The following PTPRD variants were observed in gnomAD, a reference collection of about 807,000 sequenced individuals.
PTPRD encodes the protein receptor-type tyrosine-protein phosphatase delta.
Under a neutral mutation model 214.5 loss-of-function variants are expected in PTPRD, and 34 were observed. That is an observed-to-expected ratio of 0.16 (90% CI 0.12 to 0.21). The LOEUF (loss-of-function observed/expected upper bound fraction) is 0.21. Ranked by LOEUF, PTPRD falls within the 10% of genes least tolerant of loss-of-function variation. The pLI, the probability that PTPRD is intolerant of heterozygous loss-of-function variation, is 1.00. For missense variants in PTPRD, 2,545 were observed against 2,398.7 expected (o/e 1.06, Z -1.27); for synonymous variants, 1,128 against 845.7 (o/e 1.33, Z -5.79).
At chr9:8,508,881 GTGTGTGTGTC>G (rs1290820819) in intron 21 of PTPRD, among the ~76,000 whole-genome samples, 2 of 145,140 alleles carry the variant, frequency 1.4e-5, no homozygotes, top group Non-Finnish European at 3.0e-5. Flanking sequence ...ATATATGTGT[GTGTGTGTGTC>G]TGTGTGTGTG....
At chr9:9,782,339 G>A (rs1013026852) in intron 5 of PTPRD, among the ~76,000 whole-genome samples, 1 of 152,048 alleles carries the variant, frequency 6.6e-6, no homozygotes, top group Non-Finnish European at 1.5e-5. Flanking sequence ...GATTTTCTAA[G>A]AATTCCTAAC....
chr9:8,934,425 A>ATATATAAATATATATATAAATT lies in PTPRD; in HGVS notation c.-104+84271_-104+84272insAATTTATATATATATTTATATA, dbSNP rs1588352544. Among the ~76,000 whole-genome samples the ATATATAAATATATATATAAATT allele has an allele frequency of 8.0e-5, 5 of 62,188 alleles. No homozygotes were observed. In the East Asian group the frequency reaches 1.7e-3, roughly 22 times the overall value. The allele number at this position is 62,188 out of a possible 152,430, so 40.8% of individuals were successfully genotyped here. A position where few individuals can be genotyped will look rare whatever the true frequency, so the allele number is the denominator to read the frequency against. ...TGTGTGTGTGTGTGTGTGTGTGTAT[A>ATATATAAATATATATATAAATT]TATATATATAAATATATATATAAAT... On this transcript the variant is annotated intron_variant, in intron 11 of 45. Coordinates refer to ENST00000381196, the MANE Select transcript of PTPRD (RefSeq NM_002839.4).
At chr9:8,545,982 A>G (rs949104073) in intron 14 of PTPRD, among the ~76,000 whole-genome samples, 23 of 152,364 alleles carry the variant, frequency 1.5e-4, no homozygotes, top group African/African-American at 5.0e-4. Context: ...ATCCAAGCAC[A>G]TAATATCACC....
chr9:9,402,715 C>A (rs2071171797), intron 8 of PTPRD, among the ~76,000 whole-genome samples: 1 of 133,154 alleles, frequency 7.5e-6, no homozygotes, highest in Non-Finnish European at 1.6e-5. Flanking sequence ...GATGTCTGAG[C>A]AAGTATGTGA....
intron 11 of PTPRD, among the ~76,000 whole-genome samples, chr9:8,849,670 A>T (rs565950809): frequency 4.7e-4 from 71 of 152,318 alleles, no homozygotes; most frequent in African/African-American, 1.6e-3. Context: ...GTATTGGTAG[A>T]ACTAAAGAGG....
chr9:10,126,088 G>C (rs1430955195), intron 3 of PTPRD, among the ~76,000 whole-genome samples: 3 of 152,014 alleles, frequency 2.0e-5, no homozygotes, highest in Non-Finnish European at 2.9e-5. Context: ...ATTTTCTTTA[G>C]CATTTGGCAT....
At chr9:8,699,552 T>A (rs1430497499) in intron 12 of PTPRD, among the ~76,000 whole-genome samples, 1 of 152,176 alleles carries the variant, frequency 6.6e-6, no homozygotes, top group Non-Finnish European at 1.5e-5. Context: ...TTGAAAATAA[T>A]TTTATGAAAA....
At chr9:8,929,765 ATGTG>A (rs1301850611) in intron 11 of PTPRD, among the ~76,000 whole-genome samples, 2 of 48,156 alleles carry the variant, frequency 4.2e-5, no homozygotes, top group Admixed American at 3.2e-4. Flanking sequence ...ATGTATATAT[ATGTG>A]TATATATATG....
At chr9:10,389,860 A>G (rs2098018865) in intron 2 of PTPRD, among the ~76,000 whole-genome samples, 1 of 151,650 alleles carries the variant, frequency 6.6e-6, no homozygotes, top group South Asian at 2.1e-4. Context: ...TTCTTATCTT[A>G]TTTGACTTTG....
intron 2 of PTPRD, among the ~76,000 whole-genome samples, chr9:10,492,835 A>T (rs1390446256): frequency 6.6e-6 from 1 of 152,018 alleles, no homozygotes; most frequent in African/African-American, 2.4e-5. Context: ...CAGGGTTTTT[A>T]TGGCTGTAGG....
At chr9:10,373,673 T>C (rs547321815) in intron 2 of PTPRD, among the ~76,000 whole-genome samples, 31 of 152,216 alleles carry the variant, frequency 2.0e-4, no homozygotes, top group Middle Eastern at 3.4e-3. Flanking sequence ...CCTCAATTTC[T>C]CTTTTTTCAC....
At chr9:9,879,100 C>G (rs747709340) in intron 5 of PTPRD, among the ~76,000 whole-genome samples, 3 of 152,178 alleles carry the variant, frequency 2.0e-5, no homozygotes, top group Non-Finnish European at 4.4e-5. Flanking sequence ...AGTCTTCTTT[C>G]TGAATGTGAA....
chr9:10,070,211 G>A (rs1460733768), intron 3 of PTPRD, among the ~76,000 whole-genome samples: 1 of 152,004 alleles, frequency 6.6e-6, no homozygotes, highest in Non-Finnish European at 1.5e-5. Flanking sequence ...TGTCTGTTTT[G>A]TCCACTTTTT....
At chr9:9,349,743 G>A (rs1395206975) in intron 9 of PTPRD, among the ~76,000 whole-genome samples, 1 of 150,418 alleles carries the variant, frequency 6.6e-6, no homozygotes, top group African/African-American at 2.5e-5. Flanking sequence ...CCACTTAAGT[G>A]GCACCCATCA....
At chr9:9,390,590 C>A (rs79240372) in intron 9 of PTPRD, among the ~76,000 whole-genome samples, 2 of 151,984 alleles carry the variant, frequency 1.3e-5, no homozygotes, top group Admixed American at 1.3e-4. Context: ...GTTATTATTG[C>A]CTTAGGACAG....
intron 10 of PTPRD, among the ~76,000 whole-genome samples, chr9:9,077,400 G>C (rs530476847): frequency 1.4e-5 from 1 of 70,030 alleles, no homozygotes; most frequent in Non-Finnish European, 3.4e-5. Context: ...TCTTGAATAA[G>C]CTTAATGGAT....
At chr9:8,980,362 A>T (rs901320943) in intron 11 of PTPRD, among the ~76,000 whole-genome samples, 4 of 151,960 alleles carry the variant, frequency 2.6e-5, no homozygotes, top group Non-Finnish European at 4.4e-5. Flanking sequence ...TTAGGGATTT[A>T]AAAAAATAAG....
intron 5 of PTPRD, among the ~76,000 whole-genome samples, chr9:9,887,371 G>A (rs1481849835): frequency 1.3e-5 from 2 of 152,090 alleles, no homozygotes; most frequent in Non-Finnish European, 1.5e-5. Flanking sequence ...CTCTTCTCCT[G>A]CAAGTTTTGT....
intron 3 of PTPRD, among the ~76,000 whole-genome samples, chr9:10,115,639 A>G (rs930621706): frequency 4.4e-5 from 5 of 114,810 alleles, no homozygotes; most frequent in African/African-American, 1.4e-4. Flanking sequence ...TTAAAACTTT[A>G]CAAGTTTTTT....
Sources: gnomAD v4.1 joint callset for allele counts (sites outside exome capture counted in the v4.1 genomes callset) on GRCh38, gnomAD v4.1.1 for gene constraint, MANE v1.5 for transcripts, NCBI Gene and HGNC (gene_info 2026-07-23, HGNC 2026-07-21) for gene names.